The following FUT8 variants were observed in gnomAD, a reference collection of about 807,000 sequenced individuals.
The protein encoded by FUT8 is fucosyltransferase 8, also known as alpha-(1,6)-fucosyltransferase.
Under a neutral mutation model 71.3 loss-of-function variants are expected in FUT8, and 29 were observed. The ratio of observed to expected loss-of-function variants is 0.41; its 90% CI spans 0.30 to 0.55. The LOEUF is 0.55. FUT8 is among the 20% of genes least tolerant of loss of function. The probability of loss-of-function intolerance (pLI) is 0.34; values close to 1 mark genes in which losing one functional copy is unlikely to be tolerated. For synonymous variants in FUT8, 254 were observed against 239.3 expected (o/e 1.06, Z -0.57); for missense variants, 544 against 702.1 (o/e 0.77, Z 2.55).
At chr14:65,455,079 C>T (rs564870551) in intron 1 of FUT8, among the ~76,000 whole-genome samples, 1 of 152,140 alleles carries the variant, frequency 6.6e-6, no homozygotes, top group East Asian at 1.9e-4. Context: ...AAAAAAATCC[C>T]TGTTTTTTAA....
At position 65,693,191 on chromosome 14, in the gene FUT8, C is replaced by T. The variant is rs867617273; in HGVS notation, c.835+23711C>T. Among the ~76,000 whole-genome samples, 8 of 152,322 alleles carry T rather than the reference C, an allele frequency of 5.3e-5. No homozygotes were observed. In the South Asian group the frequency reaches 8.3e-4, roughly 16 times the overall value. On this transcript the variant is annotated intron_variant, in intron 7 of 10. Coordinates refer to ENST00000673929, the MANE Select transcript of FUT8 (RefSeq NM_001371533.1). The stretch of plus-strand genomic sequence containing the variant: ...TGGAGGTTGTAGCGAGCCGAGATCA[C>T]GCCACTGCACTCCAGCCTGGGCACC...
intron 5 of FUT8, among the ~76,000 whole-genome samples, chr14:65,629,006 C>T (rs902011663): frequency 3.3e-5 from 5 of 152,056 alleles, no homozygotes; most frequent in Middle Eastern, 3.2e-3. Context: ...ATTTGCTGAC[C>T]CTTGGTTTAT....
intron 6 of FUT8, among the ~76,000 whole-genome samples, chr14:65,631,122 C>G (rs1184917521): frequency 6.6e-6 from 1 of 152,230 alleles, no homozygotes; most frequent in Non-Finnish European, 1.5e-5. Context: ...ATGAGAAACA[C>G]TTCACCTCCT....
At chr14:65,440,432 C>T (rs374855253) in intron 1 of FUT8, among the ~76,000 whole-genome samples, 4 of 151,866 alleles carry the variant, frequency 2.6e-5, no homozygotes, top group African/African-American at 9.7e-5. Flanking sequence ...CTTCCTGCCT[C>T]AGCCTACTTA....
At chr14:65,668,756 A>G (rs766438497) in intron 6 of FUT8, among the ~76,000 whole-genome samples, 1 of 152,212 alleles carries the variant, frequency 6.6e-6, no homozygotes, top group South Asian at 2.1e-4. Flanking sequence ...ACTATTTGCA[A>G]TTGCAAAGAC....
intron 2 of FUT8, among the ~76,000 whole-genome samples, chr14:65,537,497 C>T (rs368069658): frequency 3.9e-5 from 6 of 152,272 alleles, no homozygotes. Context: ...ACGCCTTTCT[C>T]CTGTCTCAGC....
At chr14:65,640,518 T>A (rs1315018802) in intron 6 of FUT8, among the ~76,000 whole-genome samples, 1 of 152,134 alleles carries the variant, frequency 6.6e-6, no homozygotes, top group African/African-American at 2.4e-5. Context: ...TTATTGACTT[T>A]CATACAAAAG....
rs1468796960 is a variant in FUT8, at chr14:65,669,567, C to T, written c.835+87C>T. The T allele has an allele frequency of 2.7e-5, 23 of 863,056 alleles. No homozygotes were observed. The highest frequency in any genetic ancestry group is 3.8e-5 in the Non-Finnish European group (20 of 525,884). 53.5% of individuals were successfully genotyped at this position (863,056 alleles called of 1,614,324 possible). ...GATTTCTAGGTAGACCTTCATGGAA[C>T]ATACTTATCTTTTCCTCTGGATCCA... On this transcript the variant is annotated intron_variant, in intron 7 of 10. Transcript: ENST00000673929. The surrounding 1 kb of genome is among the most constrained non-coding windows in gnomAD (Gnocchi z 4.5).
chr14:65,581,353 G>C (rs929156874), intron 3 of FUT8, among the ~76,000 whole-genome samples: 20 of 152,190 alleles, frequency 1.3e-4, no homozygotes, highest in African/African-American at 4.8e-4. Flanking sequence ...TCATCTTTGG[G>C]ATTTTATTAT....
At position 65,593,036 on chromosome 14, in the gene FUT8, T is replaced by C. The variant is rs1887776476; in HGVS notation, c.204-22942T>C. Among the ~76,000 whole-genome samples, 3 of 152,326 alleles carry C rather than the reference T, an allele frequency of 2.0e-5. No homozygotes were observed. The South Asian group carries it at 6.2e-4, about 32-fold the overall frequency. On this transcript the variant is annotated intron_variant, in intron 3 of 10. Transcript: ENST00000673929. Reference sequence around the variant, plus strand: ...CTGAGATCATGTAATGTATCCAGTTTAATTTCTTTCTATAATACTAGTCTT... The same window carrying C: ...CTGAGATCATGTAATGTATCCAGTTCAATTTCTTTCTATAATACTAGTCTT...
chr14:65,629,049 A>C (rs1367344565), intron 5 of FUT8, among the ~76,000 whole-genome samples: 1 of 152,208 alleles, frequency 6.6e-6, no homozygotes, highest in Non-Finnish European at 1.5e-5. Context: ...TTTTCCTCTG[A>C]TCTTTTTCCA....
intron 2 of FUT8, among the ~76,000 whole-genome samples, chr14:65,555,702 G>C (rs1272019722): frequency 6.6e-6 from 1 of 152,136 alleles, no homozygotes; most frequent in Non-Finnish European, 1.5e-5. Context: ...TTTTCTCTCA[G>C]ACATTACAGT....
chr14:65,553,043 C>T (rs529442816), intron 2 of FUT8, among the ~76,000 whole-genome samples: 117 of 152,216 alleles, frequency 7.7e-4, no homozygotes, highest in African/African-American at 2.6e-3. Flanking sequence ...GCAGCCTCAA[C>T]CTCCAGGGCT....
intron 7 of FUT8, among the ~76,000 whole-genome samples, chr14:65,699,181 C>A (rs1013835053): frequency 2.0e-5 from 3 of 150,396 alleles, no homozygotes; most frequent in African/African-American, 7.4e-5. Context: ...CACACACACA[C>A]ACACACACAC....
intron 3 of FUT8, among the ~76,000 whole-genome samples, chr14:65,594,896 G>T (rs1407572089): frequency 6.6e-6 from 1 of 152,066 alleles, no homozygotes; most frequent in Admixed American, 6.6e-5. Context: ...GGTTGGGACG[G>T]GCCATAGGTA....
intron 2 of FUT8, among the ~76,000 whole-genome samples, chr14:65,460,902 A>G (rs185515615): frequency 1.2e-4 from 18 of 152,334 alleles, no homozygotes; most frequent in Non-Finnish European, 8.8e-5. Flanking sequence ...GAAGGTCTGT[A>G]ATGAACAATC....
intron 2 of FUT8, among the ~76,000 whole-genome samples, chr14:65,500,147 C>T (rs182278147): frequency 7.2e-5 from 11 of 152,252 alleles, no homozygotes; most frequent in Admixed American, 1.3e-4. Flanking sequence ...CAACAAGCTC[C>T]TGTTGGTAAT....
chr14:65,739,248 T>C (rs990098178), intron 10 of FUT8, among the ~76,000 whole-genome samples: 1 of 151,950 alleles, frequency 6.6e-6, no homozygotes, highest in Non-Finnish European at 1.5e-5. Context: ...GTCATTCTTA[T>C]GAGAAAAATA....
In FUT8 at chr14:65,635,784, T is replaced by C. The variant is rs368123118; in HGVS notation, c.597+6178T>C. ...TGTCTATTTTCATCAGAGATACTGG[T>C]CTGTAGTTTTCTTTTTCAGTTAATG... On this transcript the variant is annotated intron_variant, in intron 6 of 10. Transcript: ENST00000673929. Among the ~76,000 whole-genome samples, 19 of 152,296 alleles carry C rather than the reference T, an allele frequency of 1.2e-4. 3 individuals carry two copies. The highest frequency in any genetic ancestry group is 4.3e-4 in the African/African-American group (18 of 41,548).
Sources: gnomAD v4.1 joint callset for allele counts (sites outside exome capture counted in the v4.1 genomes callset) on GRCh38, gnomAD v4.1.1 for gene constraint, Gnocchi (gnomAD v3.1) non-coding constraint, MANE v1.5 for transcripts, NCBI Gene and HGNC (gene_info 2026-07-23, HGNC 2026-07-21) for gene names.